ENTREP2: variants seen among roughly 807,000 people sequenced by gnomAD.
ENTREP2 encodes protein ENTREP2.
the ENTREP2 span, among the ~76,000 whole-genome samples, chr15:29,444,206 G>GA: frequency 1.1e-4 from 16 of 144,652 alleles, 1 homozygote; most frequent in African/African-American, 3.5e-4. Flanking sequence ...AAGAAAGAAA[G>GA]AAAGAAAGAA....
At chr15:29,515,242 G>A in the ENTREP2 span, among the ~76,000 whole-genome samples, 18 of 152,282 alleles carry the variant, frequency 1.2e-4, no homozygotes, top group Admixed American at 3.9e-4. Flanking sequence ...GTCCTGACCC[G>A]AGGACTGCTT....
At chr15:29,521,693 C>T in the ENTREP2 span, among the ~76,000 whole-genome samples, 7 of 152,040 alleles carry the variant, frequency 4.6e-5, no homozygotes, top group Non-Finnish European at 8.8e-5. Flanking sequence ...TATTAGACAC[C>T]CTATAGCAAT....
the ENTREP2 span, among the ~76,000 whole-genome samples, chr15:29,307,289 T>TA: frequency 5.6e-4 from 83 of 148,076 alleles, no homozygotes; most frequent in Middle Eastern, 3.4e-3. Flanking sequence ...TCAGCTAACA[T>TA]AAAAAAAAAA....
At chr15:29,499,487 T>C in the ENTREP2 span, among the ~76,000 whole-genome samples, 3 of 151,816 alleles carry the variant, frequency 2.0e-5, no homozygotes, top group Admixed American at 1.3e-4. Flanking sequence ...TGAGAGATGA[T>C]CCTCTCACCC....
the ENTREP2 span, among the ~76,000 whole-genome samples, chr15:29,487,075 G>A: frequency 4.6e-5 from 7 of 152,098 alleles, no homozygotes; most frequent in African/African-American, 1.7e-4. Context: ...TGAGGTGATG[G>A]ATATGCTAAT....
chr15:29,287,627 G>A, the ENTREP2 span, among the ~76,000 whole-genome samples: 5 of 152,224 alleles, frequency 3.3e-5, no homozygotes, highest in Non-Finnish European at 5.9e-5. Context: ...GATAAATTAC[G>A]TGAGACCCAA....
chr15:29,149,841 AC>A, the ENTREP2 span, among the ~76,000 whole-genome samples: 1 of 152,124 alleles, frequency 6.6e-6, no homozygotes, highest in African/African-American at 2.4e-5. Flanking sequence ...CTCCCGCGGT[AC>A]CCGTCACAGA....
At chr15:29,506,866 G>T in the ENTREP2 span, among the ~76,000 whole-genome samples, 1 of 152,152 alleles carries the variant, frequency 6.6e-6, no homozygotes, top group African/African-American at 2.4e-5. Flanking sequence ...AAAATAACCA[G>T]CTAGGATCTT....
At chr15:29,324,259 A>G in the ENTREP2 span, among the ~76,000 whole-genome samples, 1 of 151,848 alleles carries the variant, frequency 6.6e-6, no homozygotes, top group Non-Finnish European at 1.5e-5. Context: ...ACATCTAGCT[A>G]TTTTTTTATT....
At chr15:29,129,166 C>A in the ENTREP2 span, among the ~76,000 whole-genome samples, 4 of 152,194 alleles carry the variant, frequency 2.6e-5, no homozygotes. Context: ...CGGATTCAAG[C>A]GATTCTCCTG....
the ENTREP2 span, among the ~76,000 whole-genome samples, chr15:29,329,786 T>C: frequency 1.3e-5 from 2 of 152,204 alleles, no homozygotes; most frequent in East Asian, 1.9e-4. Flanking sequence ...TAAAGTAACA[T>C]TGGATTATAA....
the ENTREP2 span, among the ~76,000 whole-genome samples, chr15:29,276,032 G>A: frequency 6.6e-6 from 1 of 152,316 alleles, no homozygotes; most frequent in Non-Finnish European, 1.5e-5. Flanking sequence ...ATTTACAACA[G>A]TTATATATAT....
chr15:29,140,457 C>T, the ENTREP2 span, among the ~76,000 whole-genome samples: 1 of 152,194 alleles, frequency 6.6e-6, no homozygotes, highest in Non-Finnish European at 1.5e-5. Context: ...TTAAATCAAT[C>T]TGATGAGGTC....
chr15:29,420,569 G>T, the ENTREP2 span, among the ~76,000 whole-genome samples: 4 of 152,136 alleles, frequency 2.6e-5, no homozygotes, highest in African/African-American at 9.7e-5. Flanking sequence ...CAGGCTATTT[G>T]AAAAAAATTA....
At chr15:29,509,797 A>T in the ENTREP2 span, among the ~76,000 whole-genome samples, 1 of 152,154 alleles carries the variant, frequency 6.6e-6, no homozygotes, top group Admixed American at 6.5e-5. Context: ...AACCATAAAA[A>T]CCCTAGAATA....
At chr15:29,312,915 G>GCAC in the ENTREP2 span, among the ~76,000 whole-genome samples, 3 of 152,194 alleles carry the variant, frequency 2.0e-5, no homozygotes, top group African/African-American at 7.2e-5. Flanking sequence ...TAGGCCTCTT[G>GCAC]CACCAGTTAG....
chr15:29,361,337 A>G, the ENTREP2 span, among the ~76,000 whole-genome samples: 1 of 152,230 alleles, frequency 6.6e-6, no homozygotes, highest in Non-Finnish European at 1.5e-5. Flanking sequence ...TTTGAAAAGG[A>G]CATGCTCTTC....
the ENTREP2 span, among the ~76,000 whole-genome samples, chr15:29,129,772 T>C: frequency 6.6e-6 from 1 of 152,186 alleles, no homozygotes; most frequent in East Asian, 1.9e-4. Flanking sequence ...GGGCCATGGT[T>C]TCCACCTCAG....
At chr15:29,520,157 T>C in the ENTREP2 span, among the ~76,000 whole-genome samples, 1 of 152,190 alleles carries the variant, frequency 6.6e-6, no homozygotes, top group Non-Finnish European at 1.5e-5. Context: ...ACCCCTGCAC[T>C]CTTTGAAGGG....
Sources: allele counts gnomAD v4.1 joint callset (sites outside exome capture counted in the v4.1 genomes callset), GRCh38; gene constraint gnomAD v4.1.1; transcripts MANE v1.5; gene names NCBI Gene and HGNC (gene_info 2026-07-23, HGNC 2026-07-21).